The following GP5 variants were observed in gnomAD, a reference collection of about 807,000 sequenced individuals.
GP5 encodes the protein glycoprotein V platelet, also known as platelet glycoprotein V.
For missense variants in GP5, 755 were observed against 737.1 expected (o/e 1.02, Z -0.28); for synonymous variants, 382 against 353.9 (o/e 1.08, Z -0.89).
Position 194,396,734 on chromosome 3 carries a change from C to T in GP5, c.1549G>A (p.Asp517Asn). The T allele has an allele frequency of 6.2e-7, 1 of 1,614,204 alleles. No individual in the cohort carries two copies. The highest frequency in any genetic ancestry group is 8.5e-7 in the Non-Finnish European group (1 of 1,180,008). Residue 517 changes from aspartate to asparagine, a missense_variant, in exon 2 of 2, where the codon GAT (aspartate) becomes AAT (asparagine). Asp to Asn is a conservative substitution (Grantham distance 23). Transcript: ENST00000692618. ...AQPVTTGKGQ[D>N]HSPFWGFYFL... is the part of the protein sequence containing the mutation. ...TAAAACCCCCAGAACGGACTATGAT[C>T]TTGACCTTTGCCCGTGGTCACCGGC...
At position 194,397,484 on chromosome 3, in the gene GP5, T is replaced by G. The variant is rs1714498236; in HGVS notation, c.799A>C (p.Asn267His). The G allele has an allele frequency of 6.2e-7, 1 of 1,613,670 alleles. No individual in the cohort carries two copies. The highest frequency in any genetic ancestry group is 1.7e-5 in the Admixed American group (1 of 59,990). ...TCGAACAGAGTCAACAGAGTCAGAT[T>G]GTGCGAATGAAGAAAGAGCGCAGAG... The part of the protein sequence containing the change: ...LPSALFLHSH[N>H]LTLLTLFENP... Residue 267 changes from asparagine (N) to histidine (H), a missense_variant, in exon 2 of 2, where the codon AAT becomes CAT. Asn to His is a moderately conservative substitution (Grantham distance 68, BLOSUM62 1). Transcript: ENST00000692618. This position sits in a 1 kb window ranked among gnomAD's most constrained non-coding sequence, Gnocchi z 7.2.
At chr3:194,398,780 C>A (rs891650345) in intron 1 of GP5, among the ~76,000 whole-genome samples, 3 of 152,222 alleles carry the variant, frequency 2.0e-5, no homozygotes, top group Admixed American at 6.5e-5. Context: ...TATTAAAGGA[C>A]ACCCCCAAAA....
At position 194,397,811 on chromosome 3, in the gene GP5, G is replaced by A. The variant is rs1195559981; in HGVS notation, c.472C>T (p.Leu158Phe). The change falls in exon 2 of 2, where the codon CTC becomes TTC. Residue 158 changes from leucine (L) to phenylalanine (F), a missense_variant. Transcript: ENST00000692618. The surrounding 1 kb of genome is among the most constrained non-coding windows in gnomAD (Gnocchi z 7.2). ...AAGAGACTGGCAGGAAGGAAATCGAGCTGATTCTGGTTCAGAGCGAGCTCC... is the reference window on the plus strand; with the variant it reads ...AAGAGACTGGCAGGAAGGAAATCGAACTGATTCTGGTTCAGAGCGAGCTCC... ...LQELALNQNQ[L>F]DFLPASLFTN... 2 of 1,614,130 alleles carry A rather than the reference G, an allele frequency of 1.2e-6. No individual in the cohort carries two copies. The highest frequency in any genetic ancestry group is 8.5e-7 in the Non-Finnish European group (1 of 1,180,012).
At position 194,397,876 on chromosome 3, in the gene GP5, C is replaced by T. The variant is rs1714508882; in HGVS notation, c.407G>A (p.Gly136Asp). Residue 136 changes from glycine (G) to aspartate (D), a missense_variant, in exon 2 of 2, where the codon GGC becomes GAC. Physicochemically the swap from Gly to Asp is moderately conservative, Grantham distance 94 (BLOSUM62 -1). Coordinates refer to ENST00000692618, the MANE Select transcript of GP5 (RefSeq NM_004488.2). The surrounding 1 kb of genome is among the most constrained non-coding windows in gnomAD (Gnocchi z 7.2). ...QLFLDHNALR[G>D]IDQNMFQKLV... ...TTTCTGAAACATGTTTTGGTCAATG[C>T]CCCTTAGCGCATTGTGGTCCAAAAA... 4 of 1,614,052 alleles carry T rather than the reference C, an allele frequency of 2.5e-6. No individual in the cohort carries two copies. The highest frequency in any genetic ancestry group is 3.4e-6 in the Non-Finnish European group (4 of 1,179,914).
In GP5 at chr3:194,397,401, C is replaced by G. The variant is rs190002419; in HGVS notation, c.882G>C (p.Glu294Asp). Residue 294 changes from glutamate (E) to aspartate (D), a missense_variant, in exon 2 of 2, where the codon GAG (glutamate) becomes GAC (aspartate). By Grantham distance (45) the Glu-to-Asp change is conservative. Transcript: ENST00000692618. This position sits in a 1 kb window ranked among gnomAD's most constrained non-coding sequence, Gnocchi z 7.2. ...GCAGCTGGGTGCGGTTCAGCCACAG[C>G]TCCTGCAGGCCCCCCATCTCCCCGA... ...VLFGEMGGLQ[E>D]LWLNRTQLRT... The G allele has an allele frequency of 3.7e-6, 6 of 1,612,602 alleles. No homozygotes were observed. Among genetic ancestry groups the G allele is most frequent in the Non-Finnish European group, 5.1e-6 (6 of 1,179,938 alleles).
At position 194,397,464 on chromosome 3, in the gene GP5, CAG is replaced by C. The variant is rs769709278; in HGVS notation, c.817_818del (p.Leu273ValfsTer196). ...GGAGCTCTGCCAGCGGGTTCTCGAACAGAGTCAACAGAGTCAGATTGTGCGAA... is the reference window on the plus strand; with the variant it reads ...GGAGCTCTGCCAGCGGGTTCTCGAACAGTCAACAGAGTCAGATTGTGCGAA... ...LHSHNLTLLT[L>X]FENPLAELPG... On this transcript the variant is annotated frameshift_variant, in exon 2 of 2. Coordinates refer to ENST00000692618, the MANE Select transcript of GP5 (RefSeq NM_004488.2). LOFTEE classifies it low-confidence loss of function (END_TRUNC). This position sits in a 1 kb window ranked among gnomAD's most constrained non-coding sequence, Gnocchi z 7.2. 24 of 1,613,714 alleles carry C rather than the reference CAG, an allele frequency of 1.5e-5. No individual in the cohort carries two copies. Among genetic ancestry groups the C allele is most frequent in the Non-Finnish European group, 1.9e-5 (22 of 1,180,006 alleles).
At chr3:194,398,950 C>G (rs1714536257) in intron 1 of GP5, among the ~76,000 whole-genome samples, 1 of 152,162 alleles carries the variant, frequency 6.6e-6, no homozygotes, top group Admixed American at 6.5e-5. Flanking sequence ...GATGAAGGCA[C>G]AGAGGCACAG....
rs771093225 is a variant in GP5, at chr3:194,396,650, T to C, written c.1633A>G (p.Lys545Glu). The change falls in exon 2 of 2, where the codon AAA becomes GAA. Residue 545 changes from lysine to glutamate, a missense_variant. By Grantham distance (56) the Lys-to-Glu change is moderately conservative. Coordinates refer to ENST00000692618, the MANE Select transcript of GP5 (RefSeq NM_004488.2). ...AATTTTCGAAAGAGTTGGCCAATTTTAATCATAGCAAACACGATGATCACG... is the reference window on the plus strand; with the variant it reads ...AATTTTCGAAAGAGTTGGCCAATTTCAATCATAGCAAACACGATGATCACG... The part of the protein sequence containing the change: ...ITVIIVFAMI[K>E]IGQLFRKLIR... 5.6e-6 allele frequency: 9 copies of C among 1,613,178 alleles called. No homozygotes were observed. In the South Asian group the frequency reaches 7.7e-5, roughly 14 times the overall value.
At position 194,397,308 on chromosome 3, in the gene GP5, C is replaced by T. The variant is rs1343151866; in HGVS notation, c.975G>A (p.Pro325=). 2 of 1,585,162 alleles carry T rather than the reference C, an allele frequency of 1.3e-6. No individual in the cohort carries two copies. Among genetic ancestry groups the T allele is most frequent in the African/African-American group, 1.3e-5 (1 of 74,412 alleles). Residue 325 remains proline (P), a synonymous_variant, in exon 2 of 2, where the codon CCG becomes CCA. Coordinates refer to ENST00000692618, the MANE Select transcript of GP5 (RefSeq NM_004488.2). This position sits in a 1 kb window ranked among gnomAD's most constrained non-coding sequence, Gnocchi z 7.2. Reference sequence around the variant, plus strand: ...CGCCCTGCGGAAGCGCGCTCAGCCGCGGGCTCAGAGTCACCCCTAAGTACC... The same window carrying T: ...CGCCCTGCGGAAGCGCGCTCAGCCGTGGGCTCAGAGTCACCCCTAAGTACC... The part of the protein sequence containing the change: ...RLRYLGVTLS[P]RLSALPQGAF...
In GP5 at chr3:194,396,655, A is replaced by T. The variant is rs1483636276; in HGVS notation, c.1628T>A (p.Met543Lys). 6.2e-7 allele frequency: 1 copy of T among 1,613,152 alleles called. No individual in the cohort carries two copies. The highest frequency in any genetic ancestry group is 1.7e-5 in the Admixed American group (1 of 59,936). The change falls in exon 2 of 2, where the codon ATG becomes AAG. Residue 543 changes from methionine to lysine, a missense_variant. Coordinates refer to ENST00000692618, the MANE Select transcript of GP5 (RefSeq NM_004488.2). ...TCGAAAGAGTTGGCCAATTTTAATC[A>T]TAGCAAACACGATGATCACGGTGAT... ...AMITVIIVFA[M>K]IKIGQLFRKL...
chr3:194,397,109 C>G lies in GP5; in HGVS notation c.1174G>C (p.Val392Leu). The G allele has an allele frequency of 6.3e-7, 1 of 1,592,132 alleles. No homozygotes were observed. Among genetic ancestry groups the G allele is most frequent in the South Asian group, 1.1e-5 (1 of 89,860 alleles). The change falls in exon 2 of 2, where the codon GTC becomes CTC. Residue 392 changes from valine (V) to leucine (L), a missense_variant. By Grantham distance (32) the Val-to-Leu change is conservative. Transcript: ENST00000692618. The surrounding 1 kb of genome is among the most constrained non-coding windows in gnomAD (Gnocchi z 7.2). Reference protein sequence around the residue: ...LFRNLSSLESVQLDHNQLETL... With the variant: ...LFRNLSSLESLQLDHNQLETL... ...TCCAGCTGGTTGTGGTCGAGCTGGA[C>G]GCTCTCCAGGCTGCTGAGATTGCGG...
chr3:194,396,714 C>A lies in GP5; in HGVS notation c.1569G>T (p.Gly523=), dbSNP rs148261848. 2 of 1,614,122 alleles carry A rather than the reference C, an allele frequency of 1.2e-6. No individual in the cohort carries two copies. The highest frequency in any genetic ancestry group is 1.7e-6 in the Non-Finnish European group (2 of 1,179,984). The change falls in exon 2 of 2, where the codon GGG becomes GGT. Residue 523 remains glycine, a synonymous_variant. Coordinates refer to ENST00000692618, the MANE Select transcript of GP5 (RefSeq NM_004488.2). ...GAACAGCTAAAAGCAGAAAATAAAACCCCCAGAACGGACTATGATCTTGAC... is the reference window on the plus strand; with the variant it reads ...GAACAGCTAAAAGCAGAAAATAAAAACCCCAGAACGGACTATGATCTTGAC... ...GKGQDHSPFW[G]FYFLLLAVQA... is the part of the protein sequence containing the mutation.
chr3:194,395,853 A>G lies in GP5; in HGVS notation c.*747T>C, dbSNP rs1714437781. 6.6e-6 allele frequency: 1 copy of G among 152,368 alleles called. No individual in the cohort carries two copies. Among genetic ancestry groups the G allele is most frequent in the South Asian group, 2.1e-4 (1 of 4,834 alleles). The allele number at this position is 152,368 out of a possible 1,614,324, so 9.4% of individuals were successfully genotyped here. A position where few individuals can be genotyped will look rare whatever the true frequency, so the allele number is the denominator to read the frequency against. On this transcript the variant is annotated 3_prime_UTR_variant, in exon 2 of 2. Transcript: ENST00000692618. ...CAGGAGTTTGAGATCAGCCAGGCCA[A>G]TATGGCAAAGCCCCGTCTCTACTTT...
rs1176384184 is a variant in GP5 at position 194,395,597 on chromosome 3, G to A, written c.*1003C>T. On this transcript the variant is annotated 3_prime_UTR_variant, in exon 2 of 2. Coordinates refer to ENST00000692618, the MANE Select transcript of GP5 (RefSeq NM_004488.2). ...TTCTTCCTCTCTCAGCCTCACAGAA[G>A]TCGCTTATCCTGAAAATGCTCATGC... 1 of 152,396 alleles carries A rather than the reference G, an allele frequency of 6.6e-6. No individual in the cohort carries two copies. The highest frequency in any genetic ancestry group is 1.9e-4 in the East Asian group (1 of 5,188). 9.4% of individuals were successfully genotyped at this position (152,396 alleles called of 1,614,324 possible).
Position 194,396,435 on chromosome 3 carries a change from C to A in GP5, c.*165G>T. 3.4e-6 allele frequency: 2 copies of A among 588,468 alleles called. No homozygotes were observed. Among genetic ancestry groups the A allele is most frequent in the East Asian group, 2.7e-5 (1 of 36,772 alleles). The allele number at this position is 588,468 out of a possible 1,614,324, so 36.5% of individuals were successfully genotyped here. A position where few individuals can be genotyped will look rare whatever the true frequency, so the allele number is the denominator to read the frequency against. ...GCCTGTGAGAATGAAGAGCACAGAG[C>A]GGAGAGGGGGAGGAGGAGGGAAAGG... On this transcript the variant is annotated 3_prime_UTR_variant, in exon 2 of 2. Coordinates refer to ENST00000692618, the MANE Select transcript of GP5 (RefSeq NM_004488.2).
chr3:194,398,004 G>T lies in GP5; in HGVS notation c.279C>A (p.Thr93=). The change falls in exon 2 of 2, where the codon ACC becomes ACA. Residue 93 remains threonine, a synonymous_variant. Coordinates refer to ENST00000692618, the MANE Select transcript of GP5 (RefSeq NM_004488.2). ...TTTTCAGTTTTATCAGGTCACTGAAGGTGCCGGGGGCAACGGCGGAAATGT... is the reference window on the plus strand; with the variant it reads ...TTTTCAGTTTTATCAGGTCACTGAATGTGCCGGGGGCAACGGCGGAAATGT... The part of the protein sequence containing the change: ...DSHISAVAPG[T]FSDLIKLKTL... 6.2e-7 allele frequency: 1 copy of T among 1,614,142 alleles called. No homozygotes were observed. Among genetic ancestry groups the T allele is most frequent in the South Asian group, 1.1e-5 (1 of 91,078 alleles).
Position 194,397,816 on chromosome 3 carries a change from T to G in GP5, c.467A>C (p.Asn156Thr), listed in dbSNP as rs747021716. ...ACTGGCAGGAAGGAAATCGAGCTGATTCTGGTTCAGAGCGAGCTCCTGCAG... is the reference window on the plus strand; with the variant it reads ...ACTGGCAGGAAGGAAATCGAGCTGAGTCTGGTTCAGAGCGAGCTCCTGCAG... ...VNLQELALNQ[N>T]QLDFLPASLF... Residue 156 changes from asparagine (N) to threonine (T), a missense_variant, in exon 2 of 2, where the codon AAT (asparagine) becomes ACT (threonine). Physicochemically the swap from Asn to Thr is moderately conservative, Grantham distance 65 (BLOSUM62 0). Coordinates refer to ENST00000692618, the MANE Select transcript of GP5 (RefSeq NM_004488.2). This position sits in a 1 kb window ranked among gnomAD's most constrained non-coding sequence, Gnocchi z 7.2. The G allele has an allele frequency of 6.2e-7, 1 of 1,613,902 alleles. No individual in the cohort carries two copies. The highest frequency in any genetic ancestry group is 1.7e-5 in the Admixed American group (1 of 60,004).
chr3:194,396,858 G>A lies in GP5; in HGVS notation c.1425C>T (p.Pro475=). Residue 475 remains proline (P), a synonymous_variant, in exon 2 of 2, where the codon CCC becomes CCT. Coordinates refer to ENST00000692618, the MANE Select transcript of GP5 (RefSeq NM_004488.2). ...LPGGDAECPG[P]RGPPPRPAAD... Reference sequence around the variant, plus strand: ...CAGCGGGGCGGGGAGGCGGGCCCCGGGGGCCCGGGCACTCCGCGTCACCCC... The same window carrying A: ...CAGCGGGGCGGGGAGGCGGGCCCCGAGGGCCCGGGCACTCCGCGTCACCCC... 5 of 1,549,558 alleles carry A rather than the reference G, an allele frequency of 3.2e-6. No individual in the cohort carries two copies. The highest frequency in any genetic ancestry group is 4.3e-6 in the Non-Finnish European group (5 of 1,153,878).
In GP5 at chr3:194,398,218, G is replaced by A. The variant is rs779182714; in HGVS notation, c.65C>T (p.Pro22Leu). ...CCGGAAGACACACTTGCAAGCTGGC[G>A]GACAGGGGAAGGGCTGGGCGCGCAG... ...GLLRAQPFPC[P>L]PACKCVFRDA... The change falls in exon 2 of 2, where the codon CCG becomes CTG. Residue 22 changes from proline to leucine, a missense_variant. Coordinates refer to ENST00000692618, the MANE Select transcript of GP5 (RefSeq NM_004488.2). 2.7e-5 allele frequency: 44 copies of A among 1,612,252 alleles called. No homozygotes were observed. The highest frequency in any genetic ancestry group is 2.5e-5 in the Non-Finnish European group (29 of 1,179,482).
Sources: gnomAD v4.1 joint callset for allele counts (sites outside exome capture counted in the v4.1 genomes callset) on GRCh38, gnomAD v4.1.1 for gene constraint, Gnocchi (gnomAD v3.1) non-coding constraint, MANE v1.5 for transcripts, NCBI Gene and HGNC (gene_info 2026-07-23, HGNC 2026-07-21) for gene names.